CLVS1: variants seen among roughly 807,000 people sequenced by gnomAD.
The protein encoded by CLVS1 is clavesin-1.
CLVS1 carries 10 observed loss-of-function variants against 33.1 expected under a neutral mutation model. The ratio of observed to expected loss-of-function variants is 0.30; its 90% CI spans 0.19 to 0.51. The LOEUF (loss-of-function observed/expected upper bound fraction) is 0.51, where lower values mean the gene tolerates loss of function less well. Ranked by LOEUF, CLVS1 falls within the 20% of genes least tolerant of loss-of-function variation. The probability of loss-of-function intolerance (pLI) is 0.97; values close to 1 mark genes in which losing one functional copy is unlikely to be tolerated. For synonymous variants in CLVS1, 163 were observed against 166.1 expected, an observed-to-expected ratio of 0.98 and a Z score of 0.14; for missense variants, 343 against 433.4, an observed-to-expected ratio of 0.79 and a Z score of 1.85.
intron 1 of CLVS1, chr8:61,292,215 A>C (rs983840677): frequency 1.0e-5 from 4 of 382,052 alleles, no homozygotes; most frequent in Non-Finnish European, 2.1e-5. Context: ...CTGAAGAAAT[A>C]AGAGCTCAGA....
the CLVS1 span, among the ~76,000 whole-genome samples, chr8:60,992,338 C>T: frequency 6.6e-6 from 1 of 151,964 alleles, no homozygotes; most frequent in African/African-American, 2.4e-5. Flanking sequence ...ATATAGAATG[C>T]TTAGGAGAGG....
intron 2 of CLVS1, among the ~76,000 whole-genome samples, chr8:61,232,180 A>G (rs774443389): frequency 3.3e-5 from 5 of 151,398 alleles, no homozygotes; most frequent in Non-Finnish European, 7.4e-5. Context: ...GACTACAGGC[A>G]CCTGCAACCA....
chr8:61,438,043 A>G (rs1457028862), intron 3 of CLVS1, among the ~76,000 whole-genome samples: 2 of 152,170 alleles, frequency 1.3e-5, no homozygotes, highest in African/African-American at 4.8e-5. Flanking sequence ...TTTAATTTTA[A>G]GTTATGGGGT....
intron 3 of CLVS1, among the ~76,000 whole-genome samples, chr8:61,429,836 A>T (rs1451059542): frequency 6.6e-6 from 1 of 152,210 alleles, no homozygotes; most frequent in African/African-American, 2.4e-5. Context: ...ACTTTTCCCA[A>T]GGTGTAATAT....
At chr8:61,246,932 C>A (rs3864673) in intron 2 of CLVS1, among the ~76,000 whole-genome samples, 1 of 151,616 alleles carries the variant, frequency 6.6e-6, no homozygotes, top group South Asian at 2.1e-4. Context: ...TCCAGTAGTT[C>A]TCTTTTCTGC....
chr8:61,314,641 T>C (rs1810950627), intron 2 of CLVS1, among the ~76,000 whole-genome samples: 2 of 152,348 alleles, frequency 1.3e-5, no homozygotes, highest in South Asian at 2.1e-4. Context: ...TGAATTTAAA[T>C]GATTATACCC....
chr8:61,120,173 G>T, intron 1 of CLVS1, among the ~76,000 whole-genome samples: 1 of 145,518 alleles, frequency 6.9e-6, no homozygotes, highest in Non-Finnish European at 1.5e-5. Context: ...ATCGGCTCCT[G>T]AGGCTTCTGC....
intron 3 of CLVS1, among the ~76,000 whole-genome samples, chr8:61,434,215 A>G (rs1215758857): frequency 6.6e-6 from 1 of 152,218 alleles, no homozygotes; most frequent in Admixed American, 6.5e-5. Context: ...ATTTCTTGGG[A>G]AGTGCAGGAA....
At chr8:61,204,825 A>G (rs1470917171) in intron 2 of CLVS1, among the ~76,000 whole-genome samples, 3 of 152,234 alleles carry the variant, frequency 2.0e-5, no homozygotes, top group African/African-American at 7.2e-5. Context: ...ACTAAAAAAT[A>G]GGCAAAATCC....
intron 1 of CLVS1, among the ~76,000 whole-genome samples, chr8:61,111,422 G>A (rs1805626379): frequency 6.6e-6 from 1 of 152,144 alleles, no homozygotes. Flanking sequence ...TTTTGGTACA[G>A]GCTGACATGC....
intron 1 of CLVS1, among the ~76,000 whole-genome samples, chr8:61,129,273 CT>C (rs1271388545): frequency 6.6e-6 from 1 of 152,148 alleles, no homozygotes; most frequent in African/African-American, 2.4e-5. Context: ...GAAACTTTTC[CT>C]GTGGTTGAGT....
intron 5 of CLVS1, among the ~76,000 whole-genome samples, chr8:61,494,903 G>C (rs566560490): frequency 6.6e-6 from 1 of 152,268 alleles, no homozygotes; most frequent in Non-Finnish European, 1.5e-5. Flanking sequence ...AAAGTAAAAA[G>C]ACTGTATGGT....
intron 5 of CLVS1, among the ~76,000 whole-genome samples, chr8:61,479,004 G>T (rs1818074640): frequency 6.6e-6 from 1 of 152,254 alleles, no homozygotes; most frequent in Middle Eastern, 3.4e-3. Flanking sequence ...CTCTCTGGCT[G>T]CCCTTAACAT....
chr8:61,338,011 C>G (rs1410924719), intron 2 of CLVS1, among the ~76,000 whole-genome samples: 1 of 152,206 alleles, frequency 6.6e-6, no homozygotes, highest in African/African-American at 2.4e-5. Flanking sequence ...CGCTTCCAGA[C>G]AGGTAACCTG....
intron 1 of CLVS1, among the ~76,000 whole-genome samples, chr8:61,127,418 C>A (rs560150206): frequency 4.7e-4 from 71 of 152,134 alleles, no homozygotes; most frequent in African/African-American, 1.7e-3. Context: ...GAGGTTTCAC[C>A]ATGTTGGTCA....
At chr8:61,392,026 T>A (rs1428890823) in intron 3 of CLVS1, among the ~76,000 whole-genome samples, 1 of 152,218 alleles carries the variant, frequency 6.6e-6, no homozygotes, top group Non-Finnish European at 1.5e-5. Flanking sequence ...ATGCTTGCAT[T>A]TCTTTAAGTT....
At chr8:60,968,029 C>A in the CLVS1 span, among the ~76,000 whole-genome samples, 3 of 152,110 alleles carry the variant, frequency 2.0e-5, no homozygotes, top group Non-Finnish European at 4.4e-5. Flanking sequence ...GCATCAAATT[C>A]TCGGGCCCAA....
intron 1 of CLVS1, among the ~76,000 whole-genome samples, chr8:61,121,337 G>A (rs532843112): frequency 2.0e-5 from 3 of 152,282 alleles, no homozygotes; most frequent in African/African-American, 7.2e-5. Flanking sequence ...CGTCTTCTGC[G>A]TCGCTCACGC....
At chr8:61,352,794 A>G (rs1197821244) in intron 2 of CLVS1, among the ~76,000 whole-genome samples, 3 of 152,044 alleles carry the variant, frequency 2.0e-5, no homozygotes, top group Non-Finnish European at 4.4e-5. Flanking sequence ...AAAAATAACA[A>G]TACAACAATA....
Sources: allele counts gnomAD v4.1 joint callset (sites outside exome capture counted in the v4.1 genomes callset), GRCh38; gene constraint gnomAD v4.1.1; transcripts MANE v1.5; gene names NCBI Gene and HGNC (gene_info 2026-07-23, HGNC 2026-07-21).